The following SLC25A27 variants were observed in gnomAD, a reference collection of about 807,000 sequenced individuals.
SLC25A27 encodes solute carrier family 25 member 27.
A neutral mutation model predicts 49.1 loss-of-function variants in SLC25A27; 35 were observed. The observed-to-expected ratio is 0.71, with a 90% CI of 0.54 to 0.95. The LOEUF is 0.95. SLC25A27 is among the 40% of genes least tolerant of loss of function. The probability of loss-of-function intolerance (pLI) is 0.00; values close to 1 mark genes in which losing one functional copy is unlikely to be tolerated. For missense variants in SLC25A27, 339 were observed against 397.1 expected (o/e 0.85, Z 1.24); for synonymous variants, 144 against 136.9 (o/e 1.05, Z -0.36).
At chr6:46,666,422 T>C (rs1160347771) in intron 5 of SLC25A27, among the ~76,000 whole-genome samples, 3 of 152,230 alleles carry the variant, frequency 2.0e-5, no homozygotes, top group Non-Finnish European at 4.4e-5. Flanking sequence ...TTTCTAAGAC[T>C]AATTATATGG....
At chr6:46,665,244 C>G (rs1472656593) in intron 5 of SLC25A27, among the ~76,000 whole-genome samples, 1 of 152,034 alleles carries the variant, frequency 6.6e-6, no homozygotes, top group East Asian at 1.9e-4. Context: ...CAAATCTTTC[C>G]CCTGGCAATC....
Position 46,676,815 on chromosome 6 carries a change from T to C in SLC25A27, c.*361T>C, listed in dbSNP as rs1582524612. The C allele has an allele frequency of 6.4e-6, 5 of 776,232 alleles. No homozygotes were observed. The Middle Eastern group carries it at 9.4e-4, about 146-fold the overall frequency. 48.1% of individuals were successfully genotyped at this position (776,232 alleles called of 1,614,324 possible). ...GAGGAGTACCAGGAGGGAGCCAGCATTTCAGATCTGAAGTAGACGATAGGA... is the reference window on the plus strand; with the variant it reads ...GAGGAGTACCAGGAGGGAGCCAGCACTTCAGATCTGAAGTAGACGATAGGA... On this transcript the variant is annotated 3_prime_UTR_variant, in exon 9 of 9. Coordinates refer to ENST00000371347, the MANE Select transcript of SLC25A27 (RefSeq NM_004277.5).
At chr6:46,656,115 A>G in intron 2 of SLC25A27, 81 bp downstream of exon 2, 1 of 1,245,616 alleles carries the variant, frequency 8.0e-7, no homozygotes, top group Non-Finnish European at 1.1e-6. Flanking sequence ...TCCAAAAACA[A>G]GTTAGTTTTT....
chr6:46,659,894 T>C (rs961580820), intron 3 of SLC25A27, among the ~76,000 whole-genome samples: 2 of 149,370 alleles, frequency 1.3e-5, no homozygotes, highest in Admixed American at 6.7e-5. Context: ...CATATATATA[T>C]ATAATTATAT....
chr6:46,671,092 G>A, intron 7 of SLC25A27, 34 bp from the exon 8 acceptor site: 1 of 1,379,092 alleles, frequency 7.3e-7, no homozygotes, highest in Non-Finnish European at 1.0e-6. Context: ...TTTTTACACA[G>A]AAAAAAATTA....
intron 1 of SLC25A27, among the ~76,000 whole-genome samples, chr6:46,655,531 G>GTTTTTTTTT (rs1283936753): frequency 4.1e-5 from 4 of 98,548 alleles, no homozygotes; most frequent in African/African-American, 7.4e-5. Flanking sequence ...TATTGTTAAT[G>GTTTTTTTTT]TTTGTTTTTT....
intron 5 of SLC25A27, among the ~76,000 whole-genome samples, chr6:46,666,884 G>A (rs1763342716): frequency 6.6e-6 from 1 of 152,048 alleles, no homozygotes; most frequent in Middle Eastern, 3.4e-3. Context: ...TTGCTCCATT[G>A]CTTATATCCA....
Position 46,676,826 on chromosome 6 carries a change from A to C in SLC25A27, c.*372A>C. On this transcript the variant is annotated 3_prime_UTR_variant, in exon 9 of 9. Coordinates refer to ENST00000371347, the MANE Select transcript of SLC25A27 (RefSeq NM_004277.5). ...GGAGGGAGCCAGCATTTCAGATCTG[A>C]AGTAGACGATAGGAATGTGGAAGAA... 1 of 713,522 alleles carries C rather than the reference A, an allele frequency of 1.4e-6. No individual in the cohort carries two copies. Among genetic ancestry groups the C allele is most frequent in the Non-Finnish European group, 2.5e-6 (1 of 407,138 alleles). The allele number at this position is 713,522 out of a possible 1,614,324, so 44.2% of individuals were successfully genotyped here. A position where few individuals can be genotyped will look rare whatever the true frequency, so the allele number is the denominator to read the frequency against.
At chr6:46,666,950 T>C (rs1763345319) in intron 5 of SLC25A27, among the ~76,000 whole-genome samples, 1 of 152,106 alleles carries the variant, frequency 6.6e-6, no homozygotes, top group African/African-American at 2.4e-5. Flanking sequence ...ACTCATACAC[T>C]TTTCTCCATT....
chr6:46,662,359 T>C lies in SLC25A27; in HGVS notation c.384-17T>C. ...AAATTAATGGCAACTTTAAAAAGAATTTCCTTCTGCAATTAGGAAATCAGT... is the reference window on the plus strand; with the variant it reads ...AAATTAATGGCAACTTTAAAAAGAACTTCCTTCTGCAATTAGGAAATCAGT... On this transcript the variant is annotated splice_polypyrimidine_tract_variant and intron_variant, in intron 3 of 8. Transcript: ENST00000371347. 10 of 1,611,602 alleles carry C rather than the reference T, an allele frequency of 6.2e-6. No homozygotes were observed. Among genetic ancestry groups the C allele is most frequent in the Non-Finnish European group, 8.5e-6 (10 of 1,179,020 alleles).
At chr6:46,670,274 C>T (rs766559973) in intron 7 of SLC25A27, 47 bp downstream of exon 7, 3 of 1,202,266 alleles carry the variant, frequency 2.5e-6, no homozygotes, top group Non-Finnish European at 2.4e-6. Context: ...ATCTGTAATA[C>T]CTTTGTGTTT....
intron 8 of SLC25A27, among the ~76,000 whole-genome samples, chr6:46,673,491 T>C (rs1218826814): frequency 6.6e-6 from 1 of 152,192 alleles, no homozygotes; most frequent in Admixed American, 6.5e-5. Flanking sequence ...GAAATGGCTA[T>C]GACCATATTT....
intron 8 of SLC25A27, among the ~76,000 whole-genome samples, chr6:46,674,114 G>A (rs1284241783): frequency 6.6e-6 from 1 of 152,106 alleles, no homozygotes; most frequent in Non-Finnish European, 1.5e-5. Flanking sequence ...TGAGGGGCAA[G>A]TAGAATATTT....
intron 3 of SLC25A27, among the ~76,000 whole-genome samples, chr6:46,659,728 G>A (rs567984980): frequency 6.6e-6 from 1 of 151,906 alleles, no homozygotes; most frequent in African/African-American, 2.4e-5. Context: ...GGTGGTGGGG[G>A]ACTGTAATCC....
chr6:46,674,512 G>A (rs1763688325), intron 8 of SLC25A27, among the ~76,000 whole-genome samples: 1 of 152,142 alleles, frequency 6.6e-6, no homozygotes, highest in African/African-American at 2.4e-5. Context: ...AAGAAAGGCT[G>A]GCTAACCACC....
Position 46,662,429 on chromosome 6 carries a change from A to C in SLC25A27, c.437A>C (p.Asn146Thr). 1 of 1,614,000 alleles carries C rather than the reference A, an allele frequency of 6.2e-7. No individual in the cohort carries two copies. Among genetic ancestry groups the C allele is most frequent in the Non-Finnish European group, 8.5e-7 (1 of 1,179,866 alleles). The change falls in exon 4 of 9, where the codon AAT becomes ACT. Residue 146 changes from asparagine (N) to threonine (T), a missense_variant. Asn to Thr is a moderately conservative substitution (Grantham distance 65). Coordinates refer to ENST00000371347, the MANE Select transcript of SLC25A27 (RefSeq NM_004277.5). Reference sequence around the variant, plus strand: ...GGTGTTATTGGCCAGTTTTTAGCCAATCCAACTGACCTAGTGAAGGTTCAG... The same window carrying C: ...GGTGTTATTGGCCAGTTTTTAGCCACTCCAACTGACCTAGTGAAGGTTCAG... ...MAGVIGQFLA[N>T]PTDLVKVQMQ...
chr6:46,662,544 C>T (rs537369445), intron 4 of SLC25A27, 46 bp downstream of exon 4: 17 of 1,598,120 alleles, frequency 1.1e-5, no homozygotes, highest in Admixed American at 3.4e-5. Flanking sequence ...CCTTGGCCAC[C>T]GTCATATTTT....
At chr6:46,661,388 C>T (rs960839326) in intron 3 of SLC25A27, among the ~76,000 whole-genome samples, 6 of 151,966 alleles carry the variant, frequency 3.9e-5, no homozygotes, top group African/African-American at 1.2e-4. Flanking sequence ...AAGTTATGTT[C>T]GTTAAATAAA....
chr6:46,664,917 T>C, intron 5 of SLC25A27, 31 bp downstream of exon 5: 1 of 1,206,936 alleles, frequency 8.3e-7, no homozygotes, highest in African/African-American at 1.5e-5. Context: ...TTCTAAAAAG[T>C]CCTAATTGCC....
Sources: allele counts gnomAD v4.1 joint callset (sites outside exome capture counted in the v4.1 genomes callset), GRCh38; gene constraint gnomAD v4.1.1; transcripts MANE v1.5; gene names NCBI Gene and HGNC (gene_info 2026-07-23, HGNC 2026-07-21).